Variants in AMMECR1 observed in about 807,000 individuals in gnomAD.
AMMECR1 encodes the protein nuclear protein AMMECR1.
A neutral mutation model predicts 22.5 loss-of-function variants in AMMECR1; 3 were observed. The observed-to-expected ratio is 0.13, with a 90% CI of 0.06 to 0.35. AMMECR1 has a LOEUF of 0.35. AMMECR1 is among the 10% of genes least tolerant of loss of function. The probability of loss-of-function intolerance (pLI) is 1.00; values close to 1 mark genes in which losing one functional copy is unlikely to be tolerated. For missense variants in AMMECR1, 235 were observed against 278.7 expected (o/e 0.84, Z 1.12); for synonymous variants, 130 against 116.7 (o/e 1.11, Z -0.74).
chrX:110,312,885 A>T (rs941880831), intron 1 of AMMECR1, among the ~76,000 whole-genome samples: 6 of 112,532 alleles, frequency 5.3e-5, no homozygotes, highest in Non-Finnish European at 9.4e-5. Context: ...GCAAGTTAGT[A>T]CCGTTATGTT....
At chrX:110,301,008 G>C (rs960556908) in intron 1 of AMMECR1, among the ~76,000 whole-genome samples, 4 of 111,390 alleles carry the variant, frequency 3.6e-5, no homozygotes, top group African/African-American at 1.3e-4. Context: ...GATTGCTTAC[G>C]TCCCTGAATT....
intron 2 of AMMECR1, among the ~76,000 whole-genome samples, chrX:110,390,553 T>C (rs2068487672): frequency 9.0e-6 from 1 of 111,175 alleles, no homozygotes; most frequent in Non-Finnish European, 1.9e-5. Flanking sequence ...GCCCAGAGGA[T>C]ATCAGGGGAC....
At chrX:110,349,097 A>T (rs2068201731) in intron 2 of AMMECR1, among the ~76,000 whole-genome samples, 1 of 112,098 alleles carries the variant, frequency 8.9e-6, no homozygotes, top group African/African-American at 3.2e-5. Context: ...TTGTCCAACA[A>T]TTATCTTGAG....
chrX:110,370,995 C>T (rs2068334637), intron 2 of AMMECR1, among the ~76,000 whole-genome samples: 1 of 111,814 alleles, frequency 8.9e-6, no homozygotes, highest in South Asian at 3.8e-4. Context: ...ATCTCAAATA[C>T]CCCTTAAGAT....
intron 2 of AMMECR1, among the ~76,000 whole-genome samples, chrX:110,217,598 T>C (rs2067480594): frequency 9.1e-6 from 1 of 109,475 alleles, no homozygotes; most frequent in African/African-American, 3.3e-5. Flanking sequence ...AAAACAAACA[T>C]ACCTCTGATT....
chrX:110,376,332 G>C (rs1213404414), intron 2 of AMMECR1, among the ~76,000 whole-genome samples: 1 of 110,765 alleles, frequency 9.0e-6, no homozygotes, highest in Admixed American at 9.6e-5. Flanking sequence ...GCTGGTCTTG[G>C]CTGGTAGTTT....
At chrX:110,318,942 G>A (rs1284038536), upstream of AMMECR1, among the ~76,000 whole-genome samples, 2 of 112,311 alleles carry the variant, frequency 1.8e-5, no homozygotes, top group African/African-American at 6.5e-5. Context: ...TTTGGGACTT[G>A]CAGTGGTGGA....
intron 1 of AMMECR1, among the ~76,000 whole-genome samples, chrX:110,288,140 T>TA (rs749630440): frequency 5.4e-4 from 60 of 112,015 alleles, no homozygotes; most frequent in African/African-American, 1.9e-3. Flanking sequence ...GAAAGGACTT[T>TA]AGCTCAGTAT....
At chrX:110,298,796 A>C (rs2067950682) in intron 1 of AMMECR1, among the ~76,000 whole-genome samples, 5 of 111,584 alleles carry the variant, frequency 4.5e-5, no homozygotes, top group Admixed American at 2.9e-4. Context: ...AGTAGTCTCA[A>C]TGATATTTAT....
At chrX:110,372,175 G>C (rs994817306) in intron 2 of AMMECR1, among the ~76,000 whole-genome samples, 5 of 112,101 alleles carry the variant, frequency 4.5e-5, no homozygotes, top group Non-Finnish European at 1.9e-5. Context: ...AAGCCTATTC[G>C]TTATTGTTTC....
chrX:110,322,149 T>C (rs1008935617), upstream of AMMECR1, among the ~76,000 whole-genome samples: 1 of 112,426 alleles, frequency 8.9e-6, no homozygotes, highest in Non-Finnish European at 1.9e-5. Flanking sequence ...TACAAACTAA[T>C]TGAATGTTGT....
At chrX:110,363,162 T>G (rs1484722080) in intron 2 of AMMECR1, among the ~76,000 whole-genome samples, 2 of 111,787 alleles carry the variant, frequency 1.8e-5, no homozygotes, top group East Asian at 5.6e-4. Flanking sequence ...GTAACACTAG[T>G]TGGGGCTATA....
In AMMECR1 at chrX:110,216,968, AC is replaced by A. The variant is rs765339066; in HGVS notation, c.585-337del. On this transcript the variant is annotated intron_variant, in intron 2 of 5. Transcript: ENST00000262844. ...TATTTTGCTTTTGAGAAGAATAAAA[AC>A]TAGACTAGTGGAAACTTGTAGGAAG... is the stretch of plus-strand genomic sequence containing the variant. Among the ~76,000 whole-genome samples, 3 of 110,970 alleles carry A rather than the reference AC, an allele frequency of 2.7e-5. No homozygotes were observed. In the East Asian group the frequency reaches 8.4e-4, roughly 31 times the overall value.
rs187424810 is a variant in AMMECR1, at chrX:110,362,431, C to T, written c.-147-44582G>A. ...CAAATACTCTGTACTAAAACCAGAACGCTGAAATCAGTATTTTTAATTAAT... is the reference window on the plus strand; with the variant it reads ...CAAATACTCTGTACTAAAACCAGAATGCTGAAATCAGTATTTTTAATTAAT... On this transcript the variant is annotated intron_variant, in intron 2 of 7. Coordinates refer to the AMMECR1 transcript ENST00000372057. 3.6e-5 allele frequency among the ~76,000 whole-genome samples: 4 copies of T among 112,236 alleles called. No individual in the cohort carries two copies. In the East Asian group the frequency reaches 8.4e-4, roughly 23 times the overall value.
At chrX:110,218,303 G>A (rs946793331) in intron 2 of AMMECR1, among the ~76,000 whole-genome samples, 1 of 111,344 alleles carries the variant, frequency 9.0e-6, no homozygotes, top group Non-Finnish European at 1.9e-5. Flanking sequence ...AAGAAAAAGA[G>A]TAAAAGACAC....
intron 1 of AMMECR1, among the ~76,000 whole-genome samples, chrX:110,291,469 T>A (rs1472004822): frequency 2.7e-5 from 3 of 111,379 alleles, no homozygotes; most frequent in African/African-American, 9.8e-5. Context: ...GAGGTCGCAG[T>A]GAGCAGAGAT....
At position 110,317,781 on chromosome X, in the gene AMMECR1, A is replaced by C. The variant is rs766559598; in HGVS notation, c.291T>G (p.Leu97=). The part of the protein sequence containing the change: ...PPPSCGVGTL[L]STPAAATSSS... Reference sequence around the variant, plus strand: ...AAGAGGTGGCGGCGGCCGGGGTAGAAAGTAGGGTCCCCACTCCGCAGCTCG... The same window carrying C: ...AAGAGGTGGCGGCGGCCGGGGTAGACAGTAGGGTCCCCACTCCGCAGCTCG... The change falls in exon 1 of 6, where the codon CTT becomes CTG. Residue 97 remains leucine (L), a synonymous_variant. Coordinates refer to ENST00000262844, the MANE Select transcript of AMMECR1 (RefSeq NM_015365.3). The C allele has an allele frequency of 2.6e-6, 3 of 1,171,632 alleles. No individual in the cohort carries two copies. Among genetic ancestry groups the C allele is most frequent in the Non-Finnish European group, 3.4e-6 (3 of 875,912 alleles).
intron 2 of AMMECR1, among the ~76,000 whole-genome samples, chrX:110,417,969 G>A (rs957248087): frequency 3.5e-5 from 4 of 112,789 alleles, no homozygotes; most frequent in African/African-American, 1.3e-4. Flanking sequence ...AGGGGCAAGA[G>A]CAATGAATTG....
intron 1 of AMMECR1, among the ~76,000 whole-genome samples, chrX:110,437,153 T>C (rs1297840678): frequency 1.8e-5 from 2 of 111,700 alleles, no homozygotes; most frequent in African/African-American, 6.5e-5. Context: ...GAATGCTCTC[T>C]AGTGGGACTG....
Sources: gnomAD v4.1 joint callset for allele counts (sites outside exome capture counted in the v4.1 genomes callset) on GRCh38, gnomAD v4.1.1 for gene constraint, MANE v1.5 for transcripts, NCBI Gene and HGNC (gene_info 2026-07-23, HGNC 2026-07-21) for gene names.